The following MRO variants were observed in gnomAD, a reference collection of about 807,000 sequenced individuals.
MRO encodes maestro.
In MRO, 28 loss-of-function variants were observed where a neutral mutation model predicts 31.0. That is an observed-to-expected ratio of 0.90 (90% CI 0.67 to 1.24). The LOEUF (loss-of-function observed/expected upper bound fraction) is 1.24, where lower values mean the gene tolerates loss of function less well. Ranked by LOEUF, MRO falls within the 50% of genes most tolerant of loss-of-function variation. The pLI, the probability that MRO is intolerant of heterozygous loss-of-function variation, is 0.00. For synonymous variants in MRO, 108 were observed against 108.4 expected (o/e 1.00, Z 0.02); for missense variants, 332 against 289.2 (o/e 1.15, Z -1.07).
chr18:50,801,339 A>G lies in MRO; in HGVS notation c.585+10T>C. ...ATGTCACTCTGTTGGTTGCAGAGTC[A>G]AGGTCTTACCTTGGCAACCTGGGGA... On this transcript the variant is annotated intron_variant, in intron 6 of 7. Transcript: ENST00000398439. 1 of 1,560,156 alleles carries G rather than the reference A, an allele frequency of 6.4e-7. No homozygotes were observed. Among genetic ancestry groups the G allele is most frequent in the Non-Finnish European group, 8.7e-7 (1 of 1,150,154 alleles).
chr18:50,802,585 G>A (rs1267877267), intron 5 of MRO, among the ~76,000 whole-genome samples: 4 of 152,104 alleles, frequency 2.6e-5, no homozygotes, highest in East Asian at 1.9e-4. Flanking sequence ...CCTTCACAGC[G>A]GGGAAGAAGC....
At chr18:50,817,163 T>C (rs1568137143) in intron 2 of MRO, among the ~76,000 whole-genome samples, 2 of 152,172 alleles carry the variant, frequency 1.3e-5, no homozygotes, top group African/African-American at 2.4e-5. Context: ...GAGTTACATC[T>C]TGAGCTCACT....
chr18:50,808,501 C>T (rs1039909992), intron 3 of MRO, among the ~76,000 whole-genome samples: 4 of 150,870 alleles, frequency 2.7e-5, no homozygotes, highest in Non-Finnish European at 4.4e-5. Flanking sequence ...CTCTGTCGCC[C>T]AGGCTGCAGT....
intron 2 of MRO, among the ~76,000 whole-genome samples, chr18:50,818,002 C>G (rs12969059): frequency 0.062 from 7,144 of 115,762 alleles, 192 homozygotes; most frequent in Non-Finnish European, 0.09. Flanking sequence ...CCACCCCCCG[C>G]CCCATGCCCT....
intron 5 of MRO, among the ~76,000 whole-genome samples, chr18:50,802,703 G>A (rs959412867): frequency 2.0e-5 from 3 of 150,916 alleles, no homozygotes; most frequent in African/African-American, 7.4e-5. Flanking sequence ...ATTGTCTTAG[G>A]GTTTTTGTTT....
Position 50,805,210 on chromosome 18 carries a change from C to A in MRO, c.373G>T (p.Gly125Cys). Residue 125 changes from glycine to cysteine, a missense_variant, in exon 5 of 8, where the codon GGT (glycine) becomes TGT (cysteine). Transcript: ENST00000398439. ...ATATCTATGAAGAAGGAACCCAAAC[C>A]TTTCCCCTGGATCTTGCCCAGAACG... The part of the protein sequence containing the change: ...TVVLGKIQGK[G>C]LGSFFIDITL... The A allele has an allele frequency of 6.2e-7, 1 of 1,613,984 alleles. No individual in the cohort carries two copies. The highest frequency in any genetic ancestry group is 8.5e-7 in the Non-Finnish European group (1 of 1,179,844).
chr18:50,808,548 T>A (rs1473526070), intron 3 of MRO, among the ~76,000 whole-genome samples: 1 of 151,152 alleles, frequency 6.6e-6, no homozygotes. Flanking sequence ...AGCCCCTACT[T>A]CCTGGGCTCA....
At chr18:50,799,874 G>A (rs1913123534) in intron 7 of MRO, among the ~76,000 whole-genome samples, 162 bp downstream of exon 7, 1 of 152,190 alleles carries the variant, frequency 6.6e-6, no homozygotes, top group Non-Finnish European at 1.5e-5. Flanking sequence ...TGGTGCCACT[G>A]CACTTGCTCT....
Position 50,811,699 on chromosome 18 carries a change from T to G in MRO, c.-4-2295A>C, listed in dbSNP as rs190150256. The stretch of plus-strand genomic sequence containing the variant: ...AACTATTTGTATCTGCTTTCATTTA[T>G]TTGGGGCATATACCTAGGAGTAGAA... On this transcript the variant is annotated intron_variant, in intron 2 of 7. Coordinates refer to ENST00000398439, the MANE Select transcript of MRO (RefSeq NM_031939.6). Among the ~76,000 whole-genome samples the G allele has an allele frequency of 5.7e-4, 87 of 152,174 alleles. No individual in the cohort carries two copies. The East Asian group carries it at 0.011, about 19-fold the overall frequency.
intron 3 of MRO, among the ~76,000 whole-genome samples, chr18:50,807,948 T>G (rs540822231): frequency 6.6e-6 from 1 of 152,204 alleles, no homozygotes; most frequent in African/African-American, 2.4e-5. Flanking sequence ...TAGCTGGGCA[T>G]GGTGGCGAAT....
intron 2 of MRO, among the ~76,000 whole-genome samples, chr18:50,816,778 C>T (rs2144667542): frequency 6.6e-6 from 1 of 152,208 alleles, no homozygotes; most frequent in African/African-American, 2.4e-5. Flanking sequence ...TCTCAAATTT[C>T]AAAATCAAAA....
At chr18:50,822,189 G>A (rs935837117), upstream of MRO, among the ~76,000 whole-genome samples, 1 of 144,066 alleles carries the variant, frequency 6.9e-6, no homozygotes, top group Non-Finnish European at 1.6e-5. Context: ...ACTGGGGCTG[G>A]CACAACTGGA....
intron 7 of MRO, 24 bp from the exon 8 acceptor site, chr18:50,799,414 G>A (rs138243751): frequency 2.1e-5 from 33 of 1,609,014 alleles, no homozygotes; most frequent in East Asian, 4.5e-5. Flanking sequence ...GCAAAGGTAC[G>A]CGTGAGGGCA....
intron 6 of MRO, 94 bp downstream of exon 6, chr18:50,801,255 G>T: frequency 8.7e-7 from 1 of 1,146,166 alleles, no homozygotes; most frequent in South Asian, 1.7e-5. Context: ...CAGCAGTGCT[G>T]GCAGGAACCC....
chr18:50,806,999 G>C, intron 3 of MRO, 149 bp from the exon 4 acceptor site: 2 of 743,246 alleles, frequency 2.7e-6, no homozygotes, highest in South Asian at 1.8e-5. Flanking sequence ...GGTTTTGTTG[G>C]AAATGTACTC....
chr18:50,821,217 T>G (rs1915289163), upstream of MRO, among the ~76,000 whole-genome samples: 1 of 152,176 alleles, frequency 6.6e-6, no homozygotes, highest in African/African-American at 2.4e-5. Flanking sequence ...CCCTAATATG[T>G]GGCTGGTGCC....
At chr18:50,807,505 G>A (rs985495329) in intron 3 of MRO, among the ~76,000 whole-genome samples, 2 of 152,060 alleles carry the variant, frequency 1.3e-5, no homozygotes, top group Non-Finnish European at 2.9e-5. Context: ...AAACATTTCA[G>A]CACTGATCTA....
Position 50,796,561 on chromosome 18 carries a change from C to G in MRO, c.*2776G>C, listed in dbSNP as rs959913012. The stretch of plus-strand genomic sequence containing the variant: ...CATTGGAGTACAGATAAGAGATACA[C>G]GTGAAATGTGTGTGTGTGTGTGTGC... On this transcript the variant is annotated 3_prime_UTR_variant, in exon 8 of 8. Coordinates refer to ENST00000398439, the MANE Select transcript of MRO (RefSeq NM_031939.6). The G allele has an allele frequency of 6.6e-6, 1 of 151,954 alleles. No homozygotes were observed. The highest frequency in any genetic ancestry group is 2.1e-4 in the South Asian group (1 of 4,826). The allele number at this position is 151,954 out of a possible 1,614,324, so 9.4% of individuals were successfully genotyped here. A position where few individuals can be genotyped will look rare whatever the true frequency, so the allele number is the denominator to read the frequency against.
intron 2 of MRO, chr18:50,815,117 G>T: frequency 4.5e-6 from 1 of 221,922 alleles, no homozygotes; most frequent in Non-Finnish European, 9.3e-6. Flanking sequence ...GGAAAACAGA[G>T]AGGATTTGCT....
Sources: gnomAD v4.1 joint callset for allele counts (sites outside exome capture counted in the v4.1 genomes callset) on GRCh38, gnomAD v4.1.1 for gene constraint, MANE v1.5 for transcripts, NCBI Gene and HGNC (gene_info 2026-07-23, HGNC 2026-07-21) for gene names.